Variants in TRIM36 observed in about 807,000 individuals in gnomAD.
The protein encoded by TRIM36 is E3 ubiquitin-protein ligase TRIM36.
In TRIM36, 42 loss-of-function variants were observed where a neutral mutation model predicts 72.4. The ratio of observed to expected loss-of-function variants is 0.58; its 90% confidence interval spans 0.45 to 0.75. The LOEUF (loss-of-function observed/expected upper bound fraction) is 0.75. Ranked by LOEUF, TRIM36 falls within the 30% of genes least tolerant of loss-of-function variation. TRIM36 has a pLI of 0.00. For missense variants in TRIM36, 913 were observed against 857.1 expected (o/e 1.07, Z -0.81); for synonymous variants, 315 against 282.8 (o/e 1.11, Z -1.14).
Position 115,130,768 on chromosome 5 carries a change from G to A in TRIM36, c.1620C>T (p.Ile540=). The A allele has an allele frequency of 1.2e-6, 2 of 1,614,068 alleles. No individual in the cohort carries two copies. The highest frequency in any genetic ancestry group is 1.7e-6 in the Non-Finnish European group (2 of 1,180,034). Residue 540 remains isoleucine, a synonymous_variant, in exon 9 of 10, where the codon ATC becomes ATT. Coordinates refer to ENST00000513154, the MANE Select transcript of TRIM36 (RefSeq NM_001300759.2). The part of the protein sequence containing the change: ...GFNLLLAAER[I]QVGYYTSLDY... Reference sequence around the variant, plus strand: ...CTAAGCTTGTGTAATAACCCACTTGGATGCGTTCTGCAGCAAGCAGAAGAT... The same window carrying A: ...CTAAGCTTGTGTAATAACCCACTTGAATGCGTTCTGCAGCAAGCAGAAGAT...
Position 115,126,575 on chromosome 5 carries a change from T to A in TRIM36, c.2079A>T (p.Leu693Phe). 6.2e-7 allele frequency: 1 copy of A among 1,613,980 alleles called. No individual in the cohort carries two copies. Among genetic ancestry groups the A allele is most frequent in the Non-Finnish European group, 8.5e-7 (1 of 1,179,852 alleles). The stretch of plus-strand genomic sequence containing the variant: ...CAAGCTGAATTCCTCCACTGCCCAT[T>A]AATGCAAATGCTGGATACAGTGTAT... ...CSHTLYPAFA[L>F]MGSGGIQLEE... The change falls in exon 10 of 10, where the codon TTA becomes TTT. Residue 693 changes from leucine (L) to phenylalanine (F), a missense_variant. Physicochemically the swap from Leu to Phe is conservative, Grantham distance 22. Transcript: ENST00000513154.
intron 9 of TRIM36, among the ~76,000 whole-genome samples, chr5:115,128,579 C>T (rs1418555293): frequency 2.1e-5 from 3 of 146,112 alleles, no homozygotes; most frequent in Non-Finnish European, 4.5e-5. Flanking sequence ...GGTGAAACCC[C>T]GTCTCTACTA....
Position 115,133,941 on chromosome 5 carries a change from C to G in TRIM36, c.1417G>C (p.Ala473Pro). 2 of 1,613,636 alleles carry G rather than the reference C, an allele frequency of 1.2e-6. No individual in the cohort carries two copies. The highest frequency in any genetic ancestry group is 1.7e-6 in the Non-Finnish European group (2 of 1,179,850). Reference sequence around the variant, plus strand: ...CCCTTGTAAGCTCTTACTCTGAAAGCATAGGTACTACTGTTTTCCAAGTCT... The same window carrying G: ...CCCTTGTAAGCTCTTACTCTGAAAGGATAGGTACTACTGTTTTCCAAGTCT... ...IQDLENSSTY[A>P]FRVRAYKGSI... is the part of the protein sequence containing the mutation. The change falls in exon 8 of 10, where the codon GCT becomes CCT. Residue 473 changes from alanine (A) to proline (P), a missense_variant. Coordinates refer to ENST00000513154, the MANE Select transcript of TRIM36 (RefSeq NM_001300759.2).
intron 9 of TRIM36, among the ~76,000 whole-genome samples, chr5:115,127,969 TG>T (rs1752441903): frequency 6.6e-6 from 1 of 151,934 alleles, no homozygotes; most frequent in Non-Finnish European, 1.5e-5. Context: ...ATGATATTGA[TG>T]ATGTTGACCC....
upstream of TRIM36, among the ~76,000 whole-genome samples, chr5:115,170,625 C>G (rs1385808058): frequency 2.0e-5 from 3 of 152,252 alleles, no homozygotes; most frequent in African/African-American, 7.2e-5. Flanking sequence ...GCAGTCATAT[C>G]CCGCTTTCTG....
rs1754591294 is a variant in TRIM36 at position 115,163,418 on chromosome 5, C to T, written c.262+100G>A. 7.0e-6 allele frequency: 7 copies of T among 993,518 alleles called. No homozygotes were observed. The South Asian group carries it at 1.1e-4, about 16-fold the overall frequency. 61.5% of individuals were successfully genotyped at this position (993,518 alleles called of 1,614,324 possible). A position where few individuals can be genotyped will look rare whatever the true frequency, so the allele number is the denominator to read the frequency against. On this transcript the variant is annotated intron_variant, in intron 2 of 9. Transcript: ENST00000513154. ...TAATTTATTCACCTGGAAAAATTAA[C>T]TCTCAAGATGACAAAAATAATTTTC...
At chr5:115,169,974 G>A (rs1755020664), upstream of TRIM36, 1 of 1,156,658 alleles carries the variant, frequency 8.6e-7, no homozygotes, top group Non-Finnish European at 1.1e-6. Context: ...GGCGTGGCCT[G>A]GTCGTTGCCC....
At chr5:115,134,660 C>T (rs1752871004) in intron 7 of TRIM36, among the ~76,000 whole-genome samples, 1 of 152,086 alleles carries the variant, frequency 6.6e-6, no homozygotes, top group African/African-American at 2.4e-5. Flanking sequence ...CCCGCCTCAG[C>T]CTCCCAAGTA....
chr5:115,166,445 C>A (rs1303365920), intron 1 of TRIM36, among the ~76,000 whole-genome samples: 2 of 152,166 alleles, frequency 1.3e-5, no homozygotes, highest in African/African-American at 4.8e-5. Flanking sequence ...CTCCGGGTCT[C>A]TTCTCTGCTG....
At chr5:115,164,769 A>G (rs1202292391) in intron 1 of TRIM36, among the ~76,000 whole-genome samples, 2 of 152,192 alleles carry the variant, frequency 1.3e-5, no homozygotes, top group Non-Finnish European at 1.5e-5. Context: ...ACAGTCCCCC[A>G]AAGTCTTAAC....
chr5:115,138,519 T>G (rs187776438), intron 5 of TRIM36, among the ~76,000 whole-genome samples: 5 of 152,316 alleles, frequency 3.3e-5, no homozygotes, highest in Admixed American at 3.3e-4. Context: ...TGTGTGACCA[T>G]ATGCTAATCA....
intron 4 of TRIM36, among the ~76,000 whole-genome samples, chr5:115,144,305 T>C (rs537138541): frequency 4.6e-5 from 7 of 152,308 alleles, no homozygotes; most frequent in Admixed American, 6.5e-5. Flanking sequence ...TCCATTATCA[T>C]AGACATTGGG....
Position 115,128,989 on chromosome 5 carries a change from T to C in TRIM36, c.1796+1603A>G, listed in dbSNP as rs570263229. Among the ~76,000 whole-genome samples the C allele has an allele frequency of 5.9e-5, 9 of 152,130 alleles. No individual in the cohort carries two copies. In the South Asian group the frequency reaches 8.3e-4, roughly 14 times the overall value. On this transcript the variant is annotated intron_variant, in intron 9 of 9. Coordinates refer to ENST00000513154, the MANE Select transcript of TRIM36 (RefSeq NM_001300759.2). Reference sequence around the variant, plus strand: ...TCATGGTAAGTACCCTATAGAAGTATACAATTTTTTATCTTTTATAACTTA... The same window carrying C: ...TCATGGTAAGTACCCTATAGAAGTACACAATTTTTTATCTTTTATAACTTA...
chr5:115,160,896 A>G (rs1754447525), intron 2 of TRIM36, among the ~76,000 whole-genome samples: 1 of 152,188 alleles, frequency 6.6e-6, no homozygotes, highest in Non-Finnish European at 1.5e-5. Flanking sequence ...GCTGTCAGAA[A>G]AAAAGGAATA....
At chr5:115,179,474 C>A (rs1470759856) in intron 1 of TRIM36, among the ~76,000 whole-genome samples, 1 of 152,252 alleles carries the variant, frequency 6.6e-6, no homozygotes, top group Non-Finnish European at 1.5e-5. Context: ...GGCGAACGAA[C>A]GTGCTGTCCC....
intron 2 of TRIM36, among the ~76,000 whole-genome samples, chr5:115,157,454 C>T (rs1304034576): frequency 6.6e-6 from 1 of 152,044 alleles, no homozygotes; most frequent in Non-Finnish European, 1.5e-5. Context: ...ATCCCAGCTA[C>T]TTAGGGGGCT....
At chr5:115,140,359 C>A (rs1753210865) in intron 5 of TRIM36, among the ~76,000 whole-genome samples, 1 of 152,126 alleles carries the variant, frequency 6.6e-6, no homozygotes, top group South Asian at 2.1e-4. Flanking sequence ...TTTAAAACAA[C>A]CCAATCCAAT....
intron 1 of TRIM36, among the ~76,000 whole-genome samples, chr5:115,168,053 CGAAAACAGCATGGGG>C (rs1024229871): frequency 2.5e-4 from 38 of 152,100 alleles, no homozygotes; most frequent in Non-Finnish European, 4.7e-4. Flanking sequence ...TTCACTATCA[CGAAAACAGCATGGGG>C]GAAACCACTC....
intron 1 of TRIM36, among the ~76,000 whole-genome samples, chr5:115,175,857 G>A (rs1449826140): frequency 3.3e-5 from 5 of 152,112 alleles, no homozygotes; most frequent in Admixed American, 3.3e-4. Flanking sequence ...GGATGCGGTG[G>A]CTCACCCCTG....
Sources: gnomAD v4.1 joint callset for allele counts (sites outside exome capture counted in the v4.1 genomes callset) on GRCh38, gnomAD v4.1.1 for gene constraint, MANE v1.5 for transcripts, NCBI Gene and HGNC (gene_info 2026-07-23, HGNC 2026-07-21) for gene names.